Variants in RBFOX2 observed in about 807,000 individuals in gnomAD.
The protein encoded by RBFOX2 is RNA binding fox-1 homolog 2.
Under a neutral mutation model 49.1 loss-of-function variants are expected in RBFOX2, and 10 were observed. That is an observed-to-expected ratio of 0.20 (90% CI 0.13 to 0.35). The LOEUF (loss-of-function observed/expected upper bound fraction) is 0.35, where lower values mean the gene tolerates loss of function less well. Among genes scored for constraint, RBFOX2 ranks in the 10% least tolerant of loss-of-function variants. RBFOX2 has a pLI of 1.00. For missense variants in RBFOX2, 323 were observed against 486.9 expected, an observed-to-expected ratio of 0.66 and a Z score of 3.17; for synonymous variants, 183 against 187.4, an observed-to-expected ratio of 0.98 and a Z score of 0.19.
At chr22:35,786,009 A>G (rs962931158) in intron 2 of RBFOX2, among the ~76,000 whole-genome samples, 1 of 152,206 alleles carries the variant, frequency 6.6e-6, no homozygotes, top group Non-Finnish European at 1.5e-5. Flanking sequence ...TCAAACTTTA[A>G]AACCACCAGA....
At chr22:35,809,962 G>C in exon 2 of RBFOX2, 1 of 1,614,106 alleles carries the variant, frequency 6.2e-7, no homozygotes, top group South Asian at 1.1e-5. Context: ...GTAGTAAAAG[G>C]CTGAACCATT....
intron 9 of RBFOX2, chr22:35,752,692 C>G (rs1935390545): frequency 1.0e-6 from 1 of 957,960 alleles, no homozygotes. Context: ...TCAAAAAACA[C>G]AGCTGTGGAA....
intron 1 of RBFOX2, among the ~76,000 whole-genome samples, chr22:35,893,506 G>A (rs980327509): frequency 3.3e-5 from 5 of 151,042 alleles, no homozygotes; most frequent in Admixed American, 2.6e-4. Context: ...CAGGTCAACA[G>A]GGCTGATCAA....
In RBFOX2 at chr22:36,020,407, T is replaced by C. The variant is rs956664655; in HGVS notation, c.186+7833A>G. Among the ~76,000 whole-genome samples, 4 of 152,248 alleles carry C rather than the reference T, an allele frequency of 2.6e-5. No homozygotes were observed. In the East Asian group the frequency reaches 7.7e-4, roughly 29 times the overall value. ...GCCAAAATTGACAAATGGGATCTAA[T>C]TAAACTAAAGAGCTTCTGCACAGCA... On this transcript the variant is annotated intron_variant, in intron 1 of 13. Coordinates refer to the RBFOX2 transcript ENST00000438146.
chr22:35,806,559 C>T (rs1950777681), intron 2 of RBFOX2, among the ~76,000 whole-genome samples: 1 of 151,648 alleles, frequency 6.6e-6, no homozygotes, highest in South Asian at 2.1e-4. Flanking sequence ...ACAAGAAACA[C>T]CAGCACAAAC....
chr22:35,818,852 TAG>T (rs1953789662), intron 1 of RBFOX2, among the ~76,000 whole-genome samples: 1 of 152,202 alleles, frequency 6.6e-6, no homozygotes, highest in African/African-American at 2.4e-5. Context: ...GGCAAAGTAG[TAG>T]AGTGTCTTCT....
intron 1 of RBFOX2, among the ~76,000 whole-genome samples, chr22:35,884,027 T>G (rs9610364): frequency 2.5e-4 from 14 of 56,706 alleles, no homozygotes; most frequent in South Asian, 6.6e-4. Flanking sequence ...TTTTTTTTTG[T>G]GATACAGGGT....
rs1056826871 is a variant in RBFOX2, at chr22:35,780,368, CAAAA to C, written c.399+1228_399+1231del. Among the ~76,000 whole-genome samples, 3 of 129,018 alleles carry C rather than the reference CAAAA, an allele frequency of 2.3e-5. No individual in the cohort carries two copies. The East Asian group carries it at 6.7e-4, about 29-fold the overall frequency. The allele number at this position is 129,018 out of a possible 152,430, so 84.6% of individuals were successfully genotyped here. ...GAATTTAAAAAAGAAAACAAACAAA[CAAAA>C]AAAAAAAACAAAAAAACTATTGATT... is the stretch of plus-strand genomic sequence containing the variant. On this transcript the variant is annotated intron_variant, in intron 3 of 11. Coordinates refer to ENST00000405409, the Ensembl canonical transcript of RBFOX2.
intron 1 of RBFOX2, among the ~76,000 whole-genome samples, chr22:35,855,685 G>C (rs1443299069): frequency 6.6e-6 from 1 of 151,660 alleles, no homozygotes; most frequent in Non-Finnish European, 1.5e-5. Flanking sequence ...CTGGGATTAT[G>C]GGTGTGAGCC....
chr22:35,915,325 T>C (rs1174648042), intron 1 of RBFOX2, among the ~76,000 whole-genome samples: 1 of 152,188 alleles, frequency 6.6e-6, no homozygotes, highest in African/African-American at 2.4e-5. Flanking sequence ...TTAACTAAAT[T>C]AGTTGAGGCA....
chr22:35,965,233 G>C (rs5756018), upstream of RBFOX2, among the ~76,000 whole-genome samples: 8,613 of 152,204 alleles, frequency 0.057, 319 homozygotes, highest in South Asian at 0.085. Flanking sequence ...ATGGTCATAA[G>C]ACAACATAAC....
chr22:35,853,656 CACGT>C (rs2042195142), intron 1 of RBFOX2, among the ~76,000 whole-genome samples: 1 of 132,956 alleles, frequency 7.5e-6, no homozygotes. Flanking sequence ...TATATATACA[CACGT>C]GTGTGTGTGT....
At chr22:35,911,149 T>C (rs2049777557) in intron 1 of RBFOX2, among the ~76,000 whole-genome samples, 1 of 152,192 alleles carries the variant, frequency 6.6e-6, no homozygotes, top group Non-Finnish European at 1.5e-5. Flanking sequence ...TGGTCTCTAA[T>C]AATGTCCCTT....
chr22:35,835,113 C>CTGTTTAT (rs1957421970), intron 1 of RBFOX2, among the ~76,000 whole-genome samples: 1 of 151,970 alleles, frequency 6.6e-6, no homozygotes, highest in Admixed American at 6.6e-5. Flanking sequence ...TGCAGGGGAG[C>CTGTTTAT]CTTGTATTTG....
At chr22:35,874,820 C>T (rs2044808232) in intron 1 of RBFOX2, among the ~76,000 whole-genome samples, 1 of 152,148 alleles carries the variant, frequency 6.6e-6, no homozygotes, top group African/African-American at 2.4e-5. Context: ...TTGTGTCCCC[C>T]CAACTCCAAG....
chr22:35,807,034 C>T (rs191926040), intron 2 of RBFOX2, among the ~76,000 whole-genome samples: 1 of 152,298 alleles, frequency 6.6e-6, no homozygotes, highest in Admixed American at 6.5e-5. Context: ...AAACTCCTGA[C>T]CTCAGATGAT....
chr22:35,930,912 A>G (rs1024461921), intron 1 of RBFOX2, among the ~76,000 whole-genome samples: 1 of 152,232 alleles, frequency 6.6e-6, no homozygotes, highest in Non-Finnish European at 1.5e-5. Context: ...CAAAATTTGG[A>G]CAAATCATGA....
At chr22:35,762,249 C>T (rs551826021) in intron 6 of RBFOX2, among the ~76,000 whole-genome samples, 168 of 152,046 alleles carry the variant, frequency 1.1e-3, no homozygotes, top group Non-Finnish European at 7.2e-4. Flanking sequence ...TCTTCTTTCC[C>T]TTTTTTATAT....
At chr22:35,776,626 G>C (rs956618455) in intron 4 of RBFOX2, among the ~76,000 whole-genome samples, 6 of 152,102 alleles carry the variant, frequency 3.9e-5, no homozygotes, top group African/African-American at 1.4e-4. Context: ...TCATTTATTG[G>C]CTTTATTTAG....
Sources: allele counts gnomAD v4.1 joint callset (sites outside exome capture counted in the v4.1 genomes callset), GRCh38; gene constraint gnomAD v4.1.1; transcripts MANE v1.5; gene names NCBI Gene and HGNC (gene_info 2026-07-23, HGNC 2026-07-21).